TUSC3: variants seen among roughly 807,000 people sequenced by gnomAD.
TUSC3 encodes the protein tumor suppressor candidate 3, also known as dolichyl-diphosphooligosaccharide--protein glycosyltransferase subunit TUSC3.
TUSC3 carries 45 observed loss-of-function variants against 44.8 expected under a neutral mutation model. The ratio of observed to expected loss-of-function variants is 1.00; its 90% CI spans 0.79 to 1.29. The LOEUF (loss-of-function observed/expected upper bound fraction) is 1.29. Ranked by LOEUF, TUSC3 falls within the 50% of genes most tolerant of loss-of-function variation. The pLI is 0.00. For synonymous variants in TUSC3, 212 were observed against 152.9 expected (o/e 1.39, Z -2.85); for missense variants, 519 against 437.9 (o/e 1.19, Z -1.65).
At chr8:15,647,780 T>A (rs1038769000) in intron 2 of TUSC3, among the ~76,000 whole-genome samples, 1 of 152,240 alleles carries the variant, frequency 6.6e-6, no homozygotes, top group Non-Finnish European at 1.5e-5. Flanking sequence ...AACTTGATTA[T>A]TTGTCTCAAC....
chr8:15,513,163 A>T lies in TUSC3; in HGVS notation n.189+29680A>T, dbSNP rs1801165585. 3.3e-5 allele frequency among the ~76,000 whole-genome samples: 5 copies of T among 151,764 alleles called. No individual in the cohort carries two copies. The South Asian group carries it at 1.0e-3, about 32-fold the overall frequency. On this transcript the variant is annotated intron_variant and non_coding_transcript_variant, in intron 2 of 5. Coordinates refer to the TUSC3 transcript ENST00000503191. Reference sequence around the variant, plus strand: ...AATGAGTGTGACATCATATACAAAAAATTGATTATGATAAATATCTCTAAA... The same window carrying T: ...AATGAGTGTGACATCATATACAAAATATTGATTATGATAAATATCTCTAAA...
intron 1 of TUSC3, among the ~76,000 whole-genome samples, chr8:15,593,410 A>G (rs1353252363): frequency 2.0e-5 from 3 of 152,194 alleles, no homozygotes; most frequent in African/African-American, 7.2e-5. Context: ...CTTTTAAACA[A>G]TGTTTATCAC....
At chr8:15,671,210 A>C (rs540770259) in intron 5 of TUSC3, among the ~76,000 whole-genome samples, 3 of 152,094 alleles carry the variant, frequency 2.0e-5, no homozygotes, top group South Asian at 4.1e-4. Flanking sequence ...CAGGTTATGT[A>C]GATTATGATT....
At chr8:15,456,631 A>AG (rs1340018026) in intron 1 of TUSC3, among the ~76,000 whole-genome samples, 2 of 152,180 alleles carry the variant, frequency 1.3e-5, no homozygotes, top group South Asian at 4.1e-4. Flanking sequence ...AGACAGAGGT[A>AG]GGGAAAAAAG....
chr8:15,827,908 G>A, the TUSC3 span, among the ~76,000 whole-genome samples: 4 of 152,016 alleles, frequency 2.6e-5, no homozygotes, highest in Non-Finnish European at 5.9e-5. Context: ...GGGGCCAGAG[G>A]TGAACTGTTA....
At chr8:15,524,513 A>G (rs1801347334) in intron 2 of TUSC3, among the ~76,000 whole-genome samples, 1 of 152,176 alleles carries the variant, frequency 6.6e-6, no homozygotes, top group Non-Finnish European at 1.5e-5. Flanking sequence ...TTTTTCTTAA[A>G]TAAATAATAG....
chr8:15,779,749 A>G, the TUSC3 span, among the ~76,000 whole-genome samples: 1 of 152,212 alleles, frequency 6.6e-6, no homozygotes, highest in Admixed American at 6.5e-5. Context: ...AGTCATCATT[A>G]TATGTTTTAC....
At chr8:15,681,187 C>T (rs1808415088) in intron 6 of TUSC3, among the ~76,000 whole-genome samples, 2 of 146,316 alleles carry the variant, frequency 1.4e-5, no homozygotes, top group Non-Finnish European at 3.0e-5. Context: ...CTTTATTATC[C>T]ATCTTGAATT....
the TUSC3 span, among the ~76,000 whole-genome samples, chr8:15,803,803 G>T: frequency 6.6e-6 from 1 of 152,066 alleles, no homozygotes; most frequent in African/African-American, 2.4e-5. Flanking sequence ...TGGGGTGTTT[G>T]GTTTTCTGTC....
At chr8:15,463,701 C>T (rs1370004661) in intron 1 of TUSC3, among the ~76,000 whole-genome samples, 2 of 152,070 alleles carry the variant, frequency 1.3e-5, no homozygotes, top group African/African-American at 4.8e-5. Flanking sequence ...TTTTCATTCA[C>T]CTGCATTAAA....
chr8:15,584,129 A>T (rs1803496802), intron 1 of TUSC3, among the ~76,000 whole-genome samples: 1 of 152,182 alleles, frequency 6.6e-6, no homozygotes, highest in Non-Finnish European at 1.5e-5. Context: ...ATTGATGTTA[A>T]ACTTGTTAAA....
chr8:15,821,358 CATT>C, the TUSC3 span, among the ~76,000 whole-genome samples: 8 of 28,164 alleles, frequency 2.8e-4, no homozygotes, highest in Admixed American at 4.9e-4. Flanking sequence ...TGTATCTAGG[CATT>C]TTTTTTTTTT....
At chr8:15,649,654 G>A (rs1806797823) in intron 2 of TUSC3, among the ~76,000 whole-genome samples, 1 of 150,498 alleles carries the variant, frequency 6.6e-6, no homozygotes, top group African/African-American at 2.4e-5. Flanking sequence ...TAAATCTCCA[G>A]CCTCTGCTGC....
rs869264757 is a variant in TUSC3 at position 15,504,621 on chromosome 8, A to ATT, written n.189+21158_189+21159dup. 2.3e-3 allele frequency among the ~76,000 whole-genome samples: 47 copies of ATT among 20,264 alleles called. 1 individual carries two copies. The highest frequency in any genetic ancestry group is 4.5e-3 in the African/African-American group (22 of 4,874). The allele number at this position is 20,264 out of a possible 152,430, so 13.3% of individuals were successfully genotyped here. On this transcript the variant is annotated intron_variant and non_coding_transcript_variant, in intron 2 of 5. Coordinates refer to the TUSC3 transcript ENST00000503191. ...TATATATATATATATATATATATAT[A>ATT]TTTTTTTTTTTTTTTTTTTTTAAGT... is the stretch of plus-strand genomic sequence containing the variant.
At chr8:15,455,479 A>G (rs1437323652) in intron 1 of TUSC3, among the ~76,000 whole-genome samples, 2 of 152,028 alleles carry the variant, frequency 1.3e-5, no homozygotes, top group Non-Finnish European at 2.9e-5. Flanking sequence ...ATACATGTAT[A>G]TATGTGTACA....
chr8:15,579,397 A>C (rs1803238708), intron 1 of TUSC3, among the ~76,000 whole-genome samples: 2 of 118,374 alleles, frequency 1.7e-5, no homozygotes, highest in African/African-American at 6.6e-5. Context: ...TAGTTCTTTT[A>C]ATTGTGATGT....
chr8:15,834,913 A>T, the TUSC3 span, among the ~76,000 whole-genome samples: 1 of 152,164 alleles, frequency 6.6e-6, no homozygotes, highest in Non-Finnish European at 1.5e-5. Context: ...CTGACTTTTC[A>T]TGTGCACAGG....
At chr8:15,661,366 CT>C (rs953139905) in intron 4 of TUSC3, among the ~76,000 whole-genome samples, 1 of 151,942 alleles carries the variant, frequency 6.6e-6, no homozygotes, top group Non-Finnish European at 1.5e-5. Context: ...TTTCTGTAGC[CT>C]GTCTTTTCTC....
intron 6 of TUSC3, among the ~76,000 whole-genome samples, chr8:15,730,322 G>GA (rs1172529540): frequency 6.6e-6 from 1 of 152,080 alleles, no homozygotes; most frequent in African/African-American, 2.4e-5. Context: ...TTTAAAGGAT[G>GA]AAAAATCATA....
Sources: allele counts gnomAD v4.1 joint callset (sites outside exome capture counted in the v4.1 genomes callset), GRCh38; gene constraint gnomAD v4.1.1; transcripts MANE v1.5; gene names NCBI Gene and HGNC (gene_info 2026-07-23, HGNC 2026-07-21).